The following ANKDD1A variants were observed in gnomAD, a reference collection of about 807,000 sequenced individuals.
ANKDD1A encodes ankyrin repeat and death domain containing 1A, also known as ankyrin repeat and death domain-containing protein 1A.
ANKDD1A carries 59 observed loss-of-function variants against 63.5 expected under a neutral mutation model. The ratio of observed to expected loss-of-function variants is 0.93; its 90% CI spans 0.75 to 1.15. The LOEUF is 1.15. Ranked by LOEUF, ANKDD1A falls within the 50% of genes most tolerant of loss-of-function variation. ANKDD1A has a pLI of 0.00. For missense variants in ANKDD1A, 632 were observed against 656.4 expected (o/e 0.96, Z 0.41); for synonymous variants, 266 against 263.9 (o/e 1.01, Z -0.08).
intron 14 of ANKDD1A, among the ~76,000 whole-genome samples, chr15:64,952,095 T>G (rs563537130): frequency 1.3e-4 from 9 of 66,798 alleles, no homozygotes; most frequent in Non-Finnish European, 2.8e-4. Flanking sequence ...TTTCTTCCTC[T>G]TCTTCCTTCT....
intron 8 of ANKDD1A, chr15:64,932,739 A>T (rs1241459250): frequency 1.3e-5 from 2 of 152,278 alleles, no homozygotes; most frequent in Non-Finnish European, 2.9e-5. Flanking sequence ...GAGAATTAAA[A>T]TGTTATGCTA....
At chr15:64,930,715 A>T in intron 6 of ANKDD1A, 107 bp from the exon 7 acceptor site, 1 of 1,083,184 alleles carries the variant, frequency 9.2e-7, no homozygotes, top group Non-Finnish European at 1.3e-6. Flanking sequence ...CCCAGTTGTC[A>T]GGAGCAGGGT....
At chr15:64,947,670 G>A in intron 13 of ANKDD1A, 77 bp downstream of exon 13, 1 of 1,512,388 alleles carries the variant, frequency 6.6e-7, no homozygotes, top group Non-Finnish European at 8.9e-7. Context: ...TCAGTTTTCT[G>A]TGCTTCTGGT....
chr15:64,916,024 G>T (rs879351000), intron 2 of ANKDD1A, 124 bp downstream of exon 2: 2 of 940,460 alleles, frequency 2.1e-6, no homozygotes, highest in Non-Finnish European at 3.2e-6. Context: ...TTGGAGGGAG[G>T]CTCGGGCTCT....
rs895730986 is a variant in ANKDD1A, at chr15:64,935,417, T to C, written c.867+1183T>C. On this transcript the variant is annotated intron_variant, in intron 9 of 14. Coordinates refer to ENST00000319580, the MANE Select transcript of ANKDD1A (RefSeq NM_182703.6). ...GTGGCCGGGTACAGTGGCTCACACC[T>C]GGAATCCCAGCACTTTGGGAGGCCG... 2.2e-3 allele frequency among the ~76,000 whole-genome samples: 331 copies of C among 151,946 alleles called. 4 individuals carry two copies. The highest frequency in any genetic ancestry group is 3.7e-4 in the Non-Finnish European group (25 of 67,998).
chr15:64,954,736 TC>T (rs1411842594), intron 14 of ANKDD1A, among the ~76,000 whole-genome samples: 3 of 31,518 alleles, frequency 9.5e-5, no homozygotes, highest in African/African-American at 1.2e-4. Context: ...TCCTTCTTCT[TC>T]CTTCTCCTTC....
chr15:64,944,807 T>A (rs2085210976), intron 12 of ANKDD1A, 60 bp downstream of exon 12: 1 of 1,578,078 alleles, frequency 6.3e-7, no homozygotes, highest in African/African-American at 1.3e-5. Context: ...TGGCTCCAGA[T>A]GGAGCTGGCT....
intron 12 of ANKDD1A, among the ~76,000 whole-genome samples, chr15:64,947,006 C>CCCTG (rs1474969937): frequency 6.6e-6 from 1 of 152,216 alleles, no homozygotes; most frequent in Non-Finnish European, 1.5e-5. Context: ...CCGATTCTTG[C>CCCTG]CCTGCCTGGT....
At chr15:64,924,507 A>C (rs1370367875) in intron 4 of ANKDD1A, among the ~76,000 whole-genome samples, 1 of 152,238 alleles carries the variant, frequency 6.6e-6, no homozygotes, top group African/African-American at 2.4e-5. Context: ...TCTTCCCCAA[A>C]GGGATTCATC....
chr15:64,943,504 C>T lies in ANKDD1A; in HGVS notation c.987C>T (p.His329=), dbSNP rs1347698727. The T allele has an allele frequency of 1.9e-6, 3 of 1,614,226 alleles. No homozygotes were observed. In the East Asian group the frequency reaches 6.7e-5, roughly 36 times the overall value. ...CCTAGAGGCAGCAGACGCCCCTTCA[C>T]CTGGCTGCAGAGCACGCCTGGCAGG... ...AVDNRQQTPL[H]LAAEHAWQDI... is the part of the protein sequence containing the mutation. Residue 329 remains histidine (H), a synonymous_variant, in exon 11 of 15, where the codon CAC becomes CAT. Transcript: ENST00000319580.
At chr15:64,941,583 A>G (rs575350432) in intron 9 of ANKDD1A, among the ~76,000 whole-genome samples, 5 of 152,328 alleles carry the variant, frequency 3.3e-5, no homozygotes, top group Admixed American at 6.5e-5. Context: ...GCCTAAACTA[A>G]TAATGTCAAT....
chr15:64,942,407 C>A, intron 9 of ANKDD1A, 60 bp from the exon 10 acceptor site: 1 of 1,349,054 alleles, frequency 7.4e-7, no homozygotes, highest in Non-Finnish European at 1.0e-6. Flanking sequence ...CCAGCACCAG[C>A]CTGCAGCTGG....
Position 64,951,069 on chromosome 15 carries a change from A to C in ANKDD1A, c.1483+1097A>C, listed in dbSNP as rs139153847. 1,834 of 1,218,378 alleles carry C rather than the reference A, an allele frequency of 1.5e-3. 16 individuals carry two copies. The African/African-American group carries it at 0.024, about 16-fold the overall frequency. 75.5% of individuals were successfully genotyped at this position (1,218,378 alleles called of 1,614,324 possible). On this transcript the variant is annotated intron_variant, in intron 14 of 14. Transcript: ENST00000319580. ...GGACCTCAGCGTGTGGAGCCACCTG[A>C]ACAGAAGATGACCATCATTTAAGGG...
At chr15:64,952,906 CTCT>C (rs1323639388) in intron 14 of ANKDD1A, among the ~76,000 whole-genome samples, 15 of 69,312 alleles carry the variant, frequency 2.2e-4, no homozygotes, top group East Asian at 1.1e-3. Context: ...CTCCTTCCTT[CTCT>C]TCTTCTCCTT....
chr15:64,933,888 T>C (rs1466717572), intron 8 of ANKDD1A, among the ~76,000 whole-genome samples: 1 of 152,008 alleles, frequency 6.6e-6, no homozygotes, highest in African/African-American at 2.4e-5. Flanking sequence ...AGCCATAGAA[T>C]TGGGCAGGCT....
chr15:64,954,028 T>TTTC (rs2085370767), intron 14 of ANKDD1A, among the ~76,000 whole-genome samples: 1 of 120,620 alleles, frequency 8.3e-6, no homozygotes, highest in Non-Finnish European at 1.8e-5. Flanking sequence ...CCTCTTCTTT[T>TTTC]CTTTCTTCTT....
chr15:64,918,421 C>G (rs776858566), intron 3 of ANKDD1A, among the ~76,000 whole-genome samples: 7 of 152,202 alleles, frequency 4.6e-5, no homozygotes, highest in East Asian at 3.8e-4. Flanking sequence ...TTACCTCCCC[C>G]ATTCCCCAAT....
intron 13 of ANKDD1A, among the ~76,000 whole-genome samples, chr15:64,948,932 A>T (rs1342235779): frequency 6.6e-6 from 1 of 152,240 alleles, no homozygotes; most frequent in Non-Finnish European, 1.5e-5. Context: ...ACGGATAAGA[A>T]CTTTCATATA....
intron 14 of ANKDD1A, among the ~76,000 whole-genome samples, chr15:64,954,363 C>T (rs534120082): frequency 1.5e-3 from 72 of 48,706 alleles, no homozygotes; most frequent in Admixed American, 6.9e-3. Flanking sequence ...CTCTTCTTCT[C>T]CTTCTTCTTC....
Sources: gnomAD v4.1 joint callset for allele counts (sites outside exome capture counted in the v4.1 genomes callset) on GRCh38, gnomAD v4.1.1 for gene constraint, MANE v1.5 for transcripts, NCBI Gene and HGNC (gene_info 2026-07-23, HGNC 2026-07-21) for gene names.